Variants in CTNND1 observed in about 807,000 individuals in gnomAD.
CTNND1 encodes the protein catenin delta 1.
A neutral mutation model predicts 112.1 loss-of-function variants in CTNND1; 16 were observed. The ratio of observed to expected loss-of-function variants is 0.14; its 90% CI spans 0.10 to 0.22. The LOEUF is 0.22. Ranked by LOEUF, CTNND1 falls within the 10% of genes least tolerant of loss-of-function variation. CTNND1 has a pLI of 1.00. For synonymous variants in CTNND1, 420 were observed against 446.5 expected (o/e 0.94, Z 0.75); for missense variants, 1,008 against 1,257.0 (o/e 0.80, Z 3.00).
At chr11:57,770,773 G>A (rs1952385343) in intron 1 of CTNND1, among the ~76,000 whole-genome samples, 1 of 152,130 alleles carries the variant, frequency 6.6e-6, no homozygotes, top group Non-Finnish European at 1.5e-5. Context: ...TAGAAACTAG[G>A]TCAACTTCTC....
At chr11:57,799,977 G>A (rs995811702) in intron 6 of CTNND1, among the ~76,000 whole-genome samples, 5 of 72,672 alleles carry the variant, frequency 6.9e-5, no homozygotes, top group Non-Finnish European at 9.1e-5. Flanking sequence ...TTTTGTTTCC[G>A]TGTTTTTTTT....
intron 1 of CTNND1, among the ~76,000 whole-genome samples, chr11:57,785,799 G>T (rs930011815): frequency 4.0e-5 from 6 of 151,688 alleles, no homozygotes; most frequent in Non-Finnish European, 8.8e-5. Context: ...CGCTCACCTC[G>T]GCCTCCCAAA....
chr11:57,809,143 C>T lies in CTNND1; in HGVS notation c.2243-131C>T, dbSNP rs181381095. On this transcript the variant is annotated intron_variant, in intron 14 of 20. Transcript: ENST00000399050. ...TCCTTAGCCCTTTTGATATGATAAT[C>T]CTATAGGATAATGAAGTTGATTCAT... 162 of 639,336 alleles carry T rather than the reference C, an allele frequency of 2.5e-4. 1 individual carries two copies. Among genetic ancestry groups the T allele is most frequent in the East Asian group, 2.5e-3 (93 of 37,650 alleles). The allele number at this position is 639,336 out of a possible 1,614,324, so 39.6% of individuals were successfully genotyped here. A position where few individuals can be genotyped will look rare whatever the true frequency, so the allele number is the denominator to read the frequency against.
chr11:57,782,422 A>AGT (rs1423340778), intron 1 of CTNND1, among the ~76,000 whole-genome samples: 6 of 152,268 alleles, frequency 3.9e-5, no homozygotes, highest in African/African-American at 1.4e-4. Context: ...AACAAAGAAC[A>AGT]GTTCACTAAT....
chr11:57,791,778 A>C, intron 3 of CTNND1, 105 bp downstream of exon 3: 1 of 1,244,036 alleles, frequency 8.0e-7, no homozygotes, highest in South Asian at 1.9e-5. Context: ...TGGGCTGTCC[A>C]GTGCCCGTTC....
At chr11:57,789,256 A>G in intron 2 of CTNND1, 101 bp downstream of exon 2, 1 of 804,830 alleles carries the variant, frequency 1.2e-6, no homozygotes, top group South Asian at 2.3e-5. Context: ...ATCTTTTTAA[A>G]TACCTTTTTT....
chr11:57,768,538 C>T (rs951072418), intron 1 of CTNND1, among the ~76,000 whole-genome samples: 19 of 151,116 alleles, frequency 1.3e-4, no homozygotes, highest in African/African-American at 1.7e-4. Flanking sequence ...GGACTACAGG[C>T]GCCCGCCACC....
At chr11:57,801,517 T>C (rs1439406855) in intron 6 of CTNND1, among the ~76,000 whole-genome samples, 2 of 152,210 alleles carry the variant, frequency 1.3e-5, no homozygotes, top group South Asian at 4.1e-4. Flanking sequence ...AAAATGTAGT[T>C]TTAATTAAAT....
rs558232101 is a variant in CTNND1, at chr11:57,803,550, A to T, written c.1421-71A>T. 4.0e-5 allele frequency: 48 copies of T among 1,194,772 alleles called. No homozygotes were observed. In the South Asian group the frequency reaches 6.8e-4, roughly 17 times the overall value. 74.0% of individuals were successfully genotyped at this position (1,194,772 alleles called of 1,614,324 possible). On this transcript the variant is annotated intron_variant, in intron 7 of 20. Coordinates refer to ENST00000399050, the MANE Select transcript of CTNND1 (RefSeq NM_001085458.2). ...GACTGAGAAGTGATACGATAGGGGG[A>T]TTCTCTTTGACGTTCTTCAGACATA... is the stretch of plus-strand genomic sequence containing the variant.
intron 17 of CTNND1, among the ~76,000 whole-genome samples, chr11:57,812,248 G>A (rs1336277865): frequency 2.6e-5 from 4 of 152,160 alleles, no homozygotes; most frequent in African/African-American, 9.7e-5. Context: ...GGCCAGGTGT[G>A]GTAGCTCATG....
chr11:57,795,790 G>A, intron 5 of CTNND1, 61 bp downstream of exon 5: 1 of 1,466,682 alleles, frequency 6.8e-7, no homozygotes, highest in Non-Finnish European at 9.0e-7. Flanking sequence ...TCTATTAGGG[G>A]AGGGGTTAAG....
intron 17 of CTNND1, among the ~76,000 whole-genome samples, 196 bp downstream of exon 17, chr11:57,811,682 C>T (rs1053327370): frequency 6.6e-6 from 1 of 152,182 alleles, no homozygotes; most frequent in Non-Finnish European, 1.5e-5. Context: ...AGGTAATTAG[C>T]CTGAATGTGA....
At position 57,819,002 on chromosome 11, in the gene CTNND1, T is replaced by C. The variant is rs1444460009; in HGVS notation, c.*2694T>C. Reference sequence around the variant, plus strand: ...ATTTATTAATATTTTACAGACCATATTACCTGGATTACCAGGGACTATCTT... The same window carrying C: ...ATTTATTAATATTTTACAGACCATACTACCTGGATTACCAGGGACTATCTT... On this transcript the variant is annotated 3_prime_UTR_variant, in exon 21 of 21. Transcript: ENST00000399050. 6.6e-6 allele frequency: 1 copy of C among 152,226 alleles called. No homozygotes were observed. The highest frequency in any genetic ancestry group is 2.4e-5 in the African/African-American group (1 of 41,458). 9.4% of individuals were successfully genotyped at this position (152,226 alleles called of 1,614,324 possible). A position where few individuals can be genotyped will look rare whatever the true frequency, so the allele number is the denominator to read the frequency against.
chr11:57,815,730 C>A, intron 19 of CTNND1, 185 bp from the exon 20 acceptor site: 1 of 772,922 alleles, frequency 1.3e-6, no homozygotes, highest in Non-Finnish European at 2.3e-6. Context: ...ATGACTAACA[C>A]TAACTGATCT....
chr11:57,790,934 G>C (rs1333519680), intron 2 of CTNND1, among the ~76,000 whole-genome samples: 1 of 151,930 alleles, frequency 6.6e-6, no homozygotes, highest in Non-Finnish European at 1.5e-5. Flanking sequence ...AGCAGTTTTA[G>C]TGTTTAGATG....
intron 6 of CTNND1, among the ~76,000 whole-genome samples, chr11:57,797,543 T>G (rs1296017229): frequency 0.015 from 5 of 328 alleles, no homozygotes; most frequent in African/African-American, 0.078. Flanking sequence ...CAAGTTGTTT[T>G]CTATAATTGA....
At chr11:57,804,138 G>A (rs1337191591) in intron 8 of CTNND1, 1 of 201,656 alleles carries the variant, frequency 5.0e-6, no homozygotes, top group Non-Finnish European at 9.9e-6. Context: ...CCTTGCCCTA[G>A]TTATTTGTAT....
At position 57,819,467 on chromosome 11, in the gene CTNND1, A is replaced by G. The variant is rs1016532997; in HGVS notation, c.*3159A>G. ...CTTATCCTTTGGCATTGAGCTAGAT[A>G]CAAACCCTACTCTTCTCTCTTCCTT... On this transcript the variant is annotated 3_prime_UTR_variant, in exon 21 of 21. Coordinates refer to ENST00000399050, the MANE Select transcript of CTNND1 (RefSeq NM_001085458.2). The G allele has an allele frequency of 1.3e-5, 2 of 152,236 alleles. No homozygotes were observed. The highest frequency in any genetic ancestry group is 2.9e-5 in the Non-Finnish European group (2 of 68,048). 9.4% of individuals were successfully genotyped at this position (152,236 alleles called of 1,614,324 possible). A position where few individuals can be genotyped will look rare whatever the true frequency, so the allele number is the denominator to read the frequency against.
chr11:57,807,082 CCT>C, intron 12 of CTNND1, 99 bp downstream of exon 12: 3 of 921,360 alleles, frequency 3.3e-6, no homozygotes, highest in Non-Finnish European at 5.1e-6. Flanking sequence ...CGTTTATTGT[CCT>C]CTCTTTTCCA....
Sources: gnomAD v4.1 joint callset for allele counts (sites outside exome capture counted in the v4.1 genomes callset) on GRCh38, gnomAD v4.1.1 for gene constraint, MANE v1.5 for transcripts, NCBI Gene and HGNC (gene_info 2026-07-23, HGNC 2026-07-21) for gene names.